The following NDE1 variants were observed in gnomAD, a reference collection of about 807,000 sequenced individuals.
NDE1 encodes the protein nudE neurodevelopment protein 1, also known as nuclear distribution protein nudE homolog 1.
A neutral mutation model predicts 43.4 loss-of-function variants in NDE1; 28 were observed. The ratio of observed to expected loss-of-function variants is 0.65; its 90% confidence interval spans 0.48 to 0.89. NDE1 has a LOEUF of 0.89. Ranked by LOEUF, NDE1 falls within the 40% of genes least tolerant of loss-of-function variation. The pLI is 0.00. For missense variants in NDE1, 441 were observed against 434.1 expected, an observed-to-expected ratio of 1.02 and a Z score of -0.14; for synonymous variants, 184 against 172.0, an observed-to-expected ratio of 1.07 and a Z score of -0.55.
chr16:15,689,625 T>C (rs1008788651), intron 5 of NDE1, among the ~76,000 whole-genome samples: 2 of 152,144 alleles, frequency 1.3e-5, no homozygotes, highest in Admixed American at 6.6e-5. Flanking sequence ...TACATACATA[T>C]GTATAAAGTT....
intron 2 of NDE1, among the ~76,000 whole-genome samples, chr16:15,666,301 C>G (rs543555102): frequency 6.6e-6 from 1 of 152,078 alleles, no homozygotes; most frequent in East Asian, 1.9e-4. Flanking sequence ...ATTCCAGTCC[C>G]CTTAGTTTCT....
At chr16:15,710,469 C>T (rs137861520) in intron 8 of NDE1, among the ~76,000 whole-genome samples, 309 of 152,138 alleles carry the variant, frequency 2.0e-3, no homozygotes, top group East Asian at 0.013. Flanking sequence ...TGCAGTGAGC[C>T]GAGATCGCGC....
intron 8 of NDE1, among the ~76,000 whole-genome samples, chr16:15,722,151 A>C (rs1015958112): frequency 6.6e-6 from 1 of 152,070 alleles, no homozygotes; most frequent in Non-Finnish European, 1.5e-5. Context: ...GAGCCACCAC[A>C]CCTGGCCAAA....
intron 1 of NDE1, among the ~76,000 whole-genome samples, chr16:15,644,409 T>C (rs2036256369): frequency 6.6e-6 from 1 of 152,206 alleles, no homozygotes; most frequent in African/African-American, 2.4e-5. Flanking sequence ...CCTTTGTGCC[T>C]GTATTTAATT....
rs1287865107 is a variant in NDE1, at chr16:15,696,797, G to A, written c.884G>A (p.Ser295Asn). 9.3e-6 allele frequency: 15 copies of A among 1,614,088 alleles called. No homozygotes were observed. The highest frequency in any genetic ancestry group is 1.3e-5 in the African/African-American group (1 of 74,950). ...RTGGPASGRS[S>N]KNRDGGERRP... ...GGTGGCCCAGCCTCTGGGCGGAGCA[G>A]CAAGAACAGAGATGGCGGGGAGAGA... Residue 295 changes from serine (S) to asparagine (N), a missense_variant, in exon 8 of 9, where the codon AGC becomes AAC. By Grantham distance (46) the Ser-to-Asn change is conservative. Coordinates refer to ENST00000396354, the MANE Select transcript of NDE1 (RefSeq NM_017668.3).
chr16:15,717,945 C>T, intron 8 of NDE1: 1 of 366,380 alleles, frequency 2.7e-6, no homozygotes, highest in Non-Finnish European at 5.2e-6. Context: ...GTCCCTAGTG[C>T]CCACCATGGA....
chr16:15,700,002 T>A, intron 8 of NDE1: 1 of 1,187,410 alleles, frequency 8.4e-7, no homozygotes, highest in Non-Finnish European at 1.1e-6. Flanking sequence ...GGTTTGTCCC[T>A]GGGAAATGTC....
chr16:15,655,058 G>T (rs976133530), intron 1 of NDE1, among the ~76,000 whole-genome samples: 4 of 151,930 alleles, frequency 2.6e-5, no homozygotes, highest in African/African-American at 9.7e-5. Context: ...TTGCTCTTGT[G>T]CCCAGGCTGG....
chr16:15,714,550 C>T (rs369697434), intron 8 of NDE1: 6 of 406,672 alleles, frequency 1.5e-5, no homozygotes, highest in African/African-American at 1.0e-4. Flanking sequence ...GGTGAAGTGG[C>T]GGGGGGTGGT....
intron 8 of NDE1, among the ~76,000 whole-genome samples, chr16:15,706,310 C>G (rs2039451491): frequency 6.6e-6 from 1 of 152,136 alleles, no homozygotes; most frequent in South Asian, 2.1e-4. Flanking sequence ...GCGCTTGACT[C>G]AGAAGGATGC....
intron 1 of NDE1, among the ~76,000 whole-genome samples, chr16:15,644,257 C>G (rs71376077): frequency 0.039 from 5,868 of 152,206 alleles, 228 homozygotes; most frequent in East Asian, 0.17. Flanking sequence ...AATTGCCAAA[C>G]GAGAATATTT....
chr16:15,656,030 G>A (rs1411479713), intron 1 of NDE1, among the ~76,000 whole-genome samples: 9 of 146,212 alleles, frequency 6.2e-5, no homozygotes, highest in Admixed American at 6.8e-5. Flanking sequence ...CCTAATGCTA[G>A]ATGACGAGTT....
In NDE1 at chr16:15,700,962, G is replaced by A. The variant is rs114401871; in HGVS notation, c.947+4102G>A. Among the ~76,000 whole-genome samples, 1,122 of 152,216 alleles carry A rather than the reference G, an allele frequency of 7.4e-3. 14 individuals carry two copies. The highest frequency in any genetic ancestry group is 0.026 in the African/African-American group (1,090 of 41,546). On this transcript the variant is annotated intron_variant, in intron 8 of 8. Coordinates refer to ENST00000396354, the MANE Select transcript of NDE1 (RefSeq NM_017668.3). ...TTTTAAAAACTGGAATAGGCTGGGC[G>A]CGGTGGCTCAGGCCGGTAATCCTAA... is the stretch of plus-strand genomic sequence containing the variant.
At chr16:15,664,904 G>A in intron 2 of NDE1, 43 bp downstream of exon 2, 1 of 1,149,816 alleles carries the variant, frequency 8.7e-7, no homozygotes, top group African/African-American at 1.8e-5. Context: ...TTTTTTTTTT[G>A]AGATGGGGTC....
intron 8 of NDE1, chr16:15,708,908 T>C: frequency 6.9e-7 from 1 of 1,444,074 alleles, no homozygotes; most frequent in Non-Finnish European, 9.6e-7. Flanking sequence ...TTAAGTATAT[T>C]CTTAATTGTT....
In NDE1 at chr16:15,714,428, C is replaced by G. The variant is rs537785070; in HGVS notation, c.948-9763C>G. The G allele has an allele frequency of 1.7e-4, 32 of 192,724 alleles. 1 individual carries two copies. The highest frequency in any genetic ancestry group is 2.5e-3 in the Middle Eastern group (1 of 402). The allele number at this position is 192,724 out of a possible 1,614,324, so 11.9% of individuals were successfully genotyped here. On this transcript the variant is annotated intron_variant, in intron 8 of 8. Transcript: ENST00000396354. ...TAAGCACCTGCTACTTTTCAGGGAT[C>G]TTTTTCCTTCTGATGGGGAATGTCG...
At position 15,720,410 on chromosome 16, in the gene NDE1, C is replaced by A; in HGVS notation, c.948-3781C>A. 10 of 1,483,934 alleles carry A rather than the reference C, an allele frequency of 6.7e-6. 1 individual carries two copies. In the South Asian group the frequency reaches 1.2e-4, roughly 18 times the overall value. 91.9% of individuals were successfully genotyped at this position (1,483,934 alleles called of 1,614,324 possible). On this transcript the variant is annotated intron_variant, in intron 8 of 8. Transcript: ENST00000396354. ...TCACTGCACCCCTTCCCCAGCACAG[C>A]CCCCTTGTGAGGTGGGCATCTCATC...
chr16:15,686,437 G>A (rs1189342746), intron 4 of NDE1: 17 of 985,294 alleles, frequency 1.7e-5, no homozygotes, highest in Non-Finnish European at 1.8e-5. Context: ...CACAAGAAGG[G>A]GTTGTGAGCA....
chr16:15,677,846 G>C lies in NDE1; in HGVS notation c.283G>C (p.Ala95Pro). Residue 95 changes from alanine to proline, a missense_variant, in exon 4 of 9, where the codon GCC becomes CCC. Ala to Pro is a conservative substitution (Grantham distance 27). Coordinates refer to ENST00000396354, the MANE Select transcript of NDE1 (RefSeq NM_017668.3). ...QHSEGYRQIS[A>P]LEDDLAQTKA... ...CTCTGAAGGCTACCGGCAGATCTCAGCCTTGGAGGATGACCTCGCGCAGAC... is the reference window on the plus strand; with the variant it reads ...CTCTGAAGGCTACCGGCAGATCTCACCCTTGGAGGATGACCTCGCGCAGAC... The C allele has an allele frequency of 6.2e-7, 1 of 1,614,154 alleles. No individual in the cohort carries two copies. The highest frequency in any genetic ancestry group is 1.1e-5 in the South Asian group (1 of 91,084).
Sources: allele counts gnomAD v4.1 joint callset (sites outside exome capture counted in the v4.1 genomes callset), GRCh38; gene constraint gnomAD v4.1.1; transcripts MANE v1.5; gene names NCBI Gene and HGNC (gene_info 2026-07-23, HGNC 2026-07-21).